Variants in KCNMB1 observed in about 807,000 individuals in gnomAD.
KCNMB1 encodes calcium-activated potassium channel subunit beta-1.
KCNMB1 carries 22 observed loss-of-function variants against 21.7 expected under a neutral mutation model. The ratio of observed to expected loss-of-function variants is 1.01; its 90% CI spans 0.72 to 1.45. The LOEUF is 1.45. Ranked by LOEUF, KCNMB1 falls within the 40% of genes most tolerant of loss-of-function variation. The probability of loss-of-function intolerance (pLI) is 0.00; values close to 1 mark genes in which losing one functional copy is unlikely to be tolerated. For synonymous variants in KCNMB1, 114 were observed against 107.6 expected (o/e 1.06, Z -0.37); for missense variants, 243 against 243.4 (o/e 1.00, Z 0.01).
Position 170,383,723 on chromosome 5 carries a change from C to T in KCNMB1, c.262G>A (p.Ala88Thr), listed in dbSNP as rs199919533. Residue 88 changes from alanine (A) to threonine (T), a missense_variant, in exon 3 of 4, where the codon GCT (alanine) becomes ACT (threonine). Coordinates refer to ENST00000274629, the MANE Select transcript of KCNMB1 (RefSeq NM_004137.4). ...WVNVSAAGRW[A>T]VLYHTEDTRD... ...GTGTCCTCCGTGTGGTACAGCACAG[C>T]CCACCTGCCGGCAGCTGACACGTTG... 1.9e-6 allele frequency: 3 copies of T among 1,614,152 alleles called. No homozygotes were observed. Among genetic ancestry groups the T allele is most frequent in the Non-Finnish European group, 1.7e-6 (2 of 1,180,022 alleles).
intron 3 of KCNMB1, chr5:170,383,460 T>A (rs1764334612): frequency 3.2e-6 from 2 of 621,062 alleles, no homozygotes. Context: ...AGAGGCTAAG[T>A]GGCCTGCCTA....
At chr5:170,385,238 G>A in intron 2 of KCNMB1, 76 bp downstream of exon 2, 1 of 1,524,196 alleles carries the variant, frequency 6.6e-7, no homozygotes, top group Non-Finnish European at 9.1e-7. Flanking sequence ...GGGGTGAGTA[G>A]AAGGCCAGGG....
intron 1 of KCNMB1, among the ~76,000 whole-genome samples, chr5:170,387,037 C>T (rs760861902): frequency 2.0e-5 from 3 of 152,108 alleles, no homozygotes; most frequent in East Asian, 3.9e-4. Context: ...CCATGGTCCC[C>T]GCGTGATTTC....
chr5:170,385,349 G>C lies in KCNMB1; in HGVS notation c.99C>G (p.Ile33Met). The change falls in exon 2 of 4, where the codon ATC becomes ATG. Residue 33 changes from isoleucine (I) to methionine (M), a missense_variant. By Grantham distance (10) the Ile-to-Met change is conservative. Transcript: ENST00000274629. ...MVVCAVITYY[I>M]LVTTVLPLYQ... Reference sequence around the variant, plus strand: ...AGAGGGGCAGCACAGTCGTGACCAGGATGTAGTAGGTGATGACGGCACACA... The same window carrying C: ...AGAGGGGCAGCACAGTCGTGACCAGCATGTAGTAGGTGATGACGGCACACA... 1.2e-6 allele frequency: 2 copies of C among 1,614,142 alleles called. No individual in the cohort carries two copies. Among genetic ancestry groups the C allele is most frequent in the Non-Finnish European group, 1.7e-6 (2 of 1,180,024 alleles).
At chr5:170,387,580 G>A (rs1764529828) in intron 1 of KCNMB1, among the ~76,000 whole-genome samples, 1 of 152,180 alleles carries the variant, frequency 6.6e-6, no homozygotes, top group Admixed American at 6.5e-5. Context: ...GCACCAGGAG[G>A]TGAGTTTCTC....
intron 1 of KCNMB1, 63 bp from the exon 2 acceptor site, chr5:170,385,534 G>C: frequency 6.9e-7 from 1 of 1,455,152 alleles, no homozygotes; most frequent in African/African-American, 1.4e-5. Context: ...CACAGAAAGA[G>C]AGGACAGGTG....
intron 1 of KCNMB1, 140 bp downstream of exon 1, chr5:170,389,119 C>G (rs1182624032): frequency 6.6e-6 from 1 of 152,344 alleles, no homozygotes; most frequent in Non-Finnish European, 1.5e-5. Context: ...GGCCCTCCAT[C>G]CAGAAGGACA....
chr5:170,383,496 A>G (rs1764336334), intron 3 of KCNMB1, 183 bp downstream of exon 3: 3 of 684,688 alleles, frequency 4.4e-6, no homozygotes, highest in Admixed American at 4.5e-5. Flanking sequence ...TTAGCGGCAG[A>G]TTCAAACCCA....
At chr5:170,379,813 G>A (rs1019859447) in intron 3 of KCNMB1, among the ~76,000 whole-genome samples, 1 of 152,024 alleles carries the variant, frequency 6.6e-6, no homozygotes, top group East Asian at 1.9e-4. Flanking sequence ...ATCCAGGTGG[G>A]CATGGTGGTG....
chr5:170,388,823 G>A (rs1437036139), intron 1 of KCNMB1, among the ~76,000 whole-genome samples: 1 of 152,218 alleles, frequency 6.6e-6, no homozygotes, highest in African/African-American at 2.4e-5. Context: ...GCCATATTGA[G>A]TATCAGACAT....
intron 1 of KCNMB1, among the ~76,000 whole-genome samples, chr5:170,387,290 G>A (rs1764515022): frequency 1.3e-5 from 2 of 152,116 alleles, no homozygotes; most frequent in Admixed American, 6.5e-5. Flanking sequence ...TGTTTAATTA[G>A]CCAGTGTCCG....
At chr5:170,381,597 TCC>T (rs1180480898) in intron 3 of KCNMB1, among the ~76,000 whole-genome samples, 37 of 152,140 alleles carry the variant, frequency 2.4e-4, no homozygotes, top group Non-Finnish European at 4.6e-4. Flanking sequence ...TCCTCCCAGC[TCC>T]TGCAGCCTGC....
rs1335272106 is a variant in KCNMB1 at position 170,378,921 on chromosome 5, A to T, written c.359T>A (p.Val120Glu). Reference sequence around the variant, plus strand: ...TTGGAATTTGGCTCTGACCTTCTCCACGTCGGCCCGGGCCGTCTGGTAATT... The same window carrying T: ...TTGGAATTTGGCTCTGACCTTCTCCTCGTCGGCCCGGGCCGTCTGGTAATT... ...VDNYQTARADVEKVRAKFQEQ... is the reference protein window; with the variant it reads ...VDNYQTARADEEKVRAKFQEQ... The change falls in exon 4 of 4, where the codon GTG (valine) becomes GAG (glutamate). Residue 120 changes from valine (V) to glutamate (E), a missense_variant. Coordinates refer to ENST00000274629, the MANE Select transcript of KCNMB1 (RefSeq NM_004137.4). 6.2e-7 allele frequency: 1 copy of T among 1,614,206 alleles called. No homozygotes were observed. Among genetic ancestry groups the T allele is most frequent in the Non-Finnish European group, 8.5e-7 (1 of 1,180,006 alleles).
Position 170,388,377 on chromosome 5 carries a change from T to G in KCNMB1, c.-25+882A>C, listed in dbSNP as rs576678580. On this transcript the variant is annotated intron_variant, in intron 1 of 3. Coordinates refer to ENST00000274629, the MANE Select transcript of KCNMB1 (RefSeq NM_004137.4). ...CTTTGGCGGGAGGAAGGATGGGAAC[T>G]GTCAATATCCCCCAAGGGACAGAAA... is the stretch of plus-strand genomic sequence containing the variant. 2.0e-5 allele frequency among the ~76,000 whole-genome samples: 3 copies of G among 152,298 alleles called. No homozygotes were observed. In the East Asian group the frequency reaches 5.8e-4, roughly 29 times the overall value.
rs368782999 is a variant in KCNMB1, at chr5:170,385,405, G to A, written c.43C>T (p.Arg15Ter). The A allele has an allele frequency of 2.4e-5, 39 of 1,613,990 alleles. No individual in the cohort carries two copies. The highest frequency in any genetic ancestry group is 1.0e-4 in the Admixed American group (6 of 59,992). The stretch of plus-strand genomic sequence containing the variant: ...ATGGTTACACCCAGGCAAAGGGCTC[G>A]TGTCTCTCCCCGCTTCTGGGCCATC... ...LVMAQKRGETRALCLGVTMVV... is the reference protein window; with the variant it reads ...LVMAQKRGET The change falls in exon 2 of 4, where the codon CGA (arginine) becomes TGA (stop). Residue 15 changes from arginine to a stop codon, truncating the protein, a stop_gained. Transcript: ENST00000274629. LOFTEE classifies it high-confidence loss of function.
chr5:170,379,025 C>G, intron 3 of KCNMB1, 52 bp from the exon 4 acceptor site: 1 of 1,588,086 alleles, frequency 6.3e-7, no homozygotes, highest in South Asian at 1.2e-5. Context: ...CATTTCTTAG[C>G]CAAGGGCTTG....
chr5:170,378,992 G>A lies in KCNMB1; in HGVS notation c.307-19C>T, dbSNP rs779144526. 3.7e-6 allele frequency: 6 copies of A among 1,608,380 alleles called. No individual in the cohort carries two copies. Among genetic ancestry groups the A allele is most frequent in the Admixed American group, 1.7e-5 (1 of 59,216 alleles). ...AGGAGCACTGTGGGGAGAAACAAGA[G>A]CAGCTGTGGGCTTGGAAATCCCCAT... On this transcript the variant is annotated intron_variant, in intron 3 of 3. Transcript: ENST00000274629.
Position 170,383,744 on chromosome 5 carries a change from C to G in KCNMB1, c.241G>C (p.Val81Leu), listed in dbSNP as rs374733513. 4 of 1,614,080 alleles carry G rather than the reference C, an allele frequency of 2.5e-6. No homozygotes were observed. Among genetic ancestry groups the G allele is most frequent in the Admixed American group, 3.3e-5 (2 of 60,004 alleles). The change falls in exon 3 of 4, where the codon GTG becomes CTG. Residue 81 changes from valine (V) to leucine (L), a missense_variant. Val to Leu is a conservative substitution (Grantham distance 32). Transcript: ENST00000274629. ...VPQYPCLWVN[V>L]SAAGRWAVLY... ...ACAGCCCACCTGCCGGCAGCTGACACGTTGACCCACAGGCATGGGTACTGG... is the reference window on the plus strand; with the variant it reads ...ACAGCCCACCTGCCGGCAGCTGACAGGTTGACCCACAGGCATGGGTACTGG...
chr5:170,383,256 C>T (rs756951713), intron 3 of KCNMB1: 1 of 331,606 alleles, frequency 3.0e-6, no homozygotes, highest in Non-Finnish European at 5.5e-6. Flanking sequence ...GAGGATCTGG[C>T]CCTGGGCCTG....
Sources: allele counts gnomAD v4.1 joint callset (sites outside exome capture counted in the v4.1 genomes callset), GRCh38; gene constraint gnomAD v4.1.1; transcripts MANE v1.5; gene names NCBI Gene and HGNC (gene_info 2026-07-23, HGNC 2026-07-21).